Variants in CALN1 observed in about 807,000 individuals in gnomAD.
The protein encoded by CALN1 is calcium-binding protein 8.
A neutral mutation model predicts 30.6 loss-of-function variants in CALN1; 17 were observed. The observed-to-expected ratio is 0.56, with a 90% CI of 0.38 to 0.83. The LOEUF (loss-of-function observed/expected upper bound fraction) is 0.83. Ranked by LOEUF, CALN1 falls within the 40% of genes least tolerant of loss-of-function variation. The pLI is 0.00. For missense variants in CALN1, 291 were observed against 354.9 expected, an observed-to-expected ratio of 0.82 and a Z score of 1.45; for synonymous variants, 156 against 131.4, an observed-to-expected ratio of 1.19 and a Z score of -1.28.
chr7:72,453,701 C>T, the CALN1 span, among the ~76,000 whole-genome samples: 1 of 152,130 alleles, frequency 6.6e-6, no homozygotes, highest in Non-Finnish European at 1.5e-5. Flanking sequence ...TTTTGTTTTC[C>T]TGACCGGACA....
At chr7:71,900,012 TAAATA>T (rs1309060420) in intron 5 of CALN1, among the ~76,000 whole-genome samples, 2 of 152,150 alleles carry the variant, frequency 1.3e-5, no homozygotes, top group Admixed American at 6.5e-5. Flanking sequence ...ACCCACGGAG[TAAATA>T]AAATAAAAAC....
chr7:72,390,400 T>C (rs1256098999), intron 2 of CALN1, among the ~76,000 whole-genome samples: 1 of 152,008 alleles, frequency 6.6e-6, no homozygotes, highest in Non-Finnish European at 1.5e-5. Flanking sequence ...CACTGCACTC[T>C]AGCCTGGGTG....
At chr7:72,261,161 C>T (rs959983044) in intron 3 of CALN1, among the ~76,000 whole-genome samples, 11 of 151,988 alleles carry the variant, frequency 7.2e-5, no homozygotes, top group East Asian at 1.9e-4. Context: ...TACAAAAATT[C>T]GCCAGGTGTG....
chr7:71,804,633 A>G (rs147291634), intron 6 of CALN1, among the ~76,000 whole-genome samples: 1,572 of 152,340 alleles, frequency 0.01, 23 homozygotes, highest in African/African-American at 0.035. Flanking sequence ...AGCCTGGACA[A>G]CATGGCAAAA....
chr7:72,196,041 T>C (rs577817086), intron 3 of CALN1, among the ~76,000 whole-genome samples: 68 of 152,212 alleles, frequency 4.5e-4, no homozygotes, highest in African/African-American at 1.6e-3. Context: ...GAAAGTAGAT[T>C]AGTGGCTGCC....
intron 2 of CALN1, among the ~76,000 whole-genome samples, chr7:72,286,523 G>A (rs1798090064): frequency 6.6e-6 from 1 of 152,090 alleles, no homozygotes. Flanking sequence ...AAATAACCCA[G>A]AAATATATAT....
At chr7:72,272,477 A>G (rs1232521) in intron 3 of CALN1, among the ~76,000 whole-genome samples, 104,947 of 151,814 alleles carry the variant, frequency 0.69, 36,820 homozygotes, top group East Asian at 1. Flanking sequence ...CCGGAGAATC[A>G]CTTGAACCCA....
chr7:72,410,805 CCTT>C (rs144947033), intron 1 of CALN1, among the ~76,000 whole-genome samples: 10,144 of 152,152 alleles, frequency 0.067, 385 homozygotes, highest in South Asian at 0.11. Context: ...CAGCACCCTA[CCTT>C]CTTACTTTCC....
chr7:72,359,494 G>T (rs1803431534), intron 2 of CALN1, among the ~76,000 whole-genome samples: 1 of 152,074 alleles, frequency 6.6e-6, no homozygotes, highest in African/African-American at 2.4e-5. Context: ...ACTTGACAAG[G>T]TACTACTTTT....
intron 5 of CALN1, among the ~76,000 whole-genome samples, chr7:72,018,156 T>C (rs986984070): frequency 6.6e-6 from 1 of 152,160 alleles, no homozygotes; most frequent in African/African-American, 2.4e-5. Context: ...AGCAGGGCTC[T>C]TTCCTCTGCC....
chr7:72,062,463 G>T (rs1427970232), intron 4 of CALN1, among the ~76,000 whole-genome samples: 1 of 131,724 alleles, frequency 7.6e-6, no homozygotes. Flanking sequence ...AGTGAGCCAA[G>T]ATCATGCCAC....
At chr7:71,845,542 A>C (rs1219651311) in intron 5 of CALN1, among the ~76,000 whole-genome samples, 1 of 152,092 alleles carries the variant, frequency 6.6e-6, no homozygotes, top group East Asian at 1.9e-4. Context: ...GCCTTATTGC[A>C]AGGGTCCTGA....
chr7:72,377,239 G>A (rs1804614939), intron 2 of CALN1, among the ~76,000 whole-genome samples: 1 of 152,148 alleles, frequency 6.6e-6, no homozygotes, highest in Admixed American at 6.5e-5. Context: ...ATTTTGACAG[G>A]AGTTGCATTG....
At chr7:72,349,708 T>G (rs1219342072) in intron 2 of CALN1, among the ~76,000 whole-genome samples, 1 of 152,250 alleles carries the variant, frequency 6.6e-6, no homozygotes, top group African/African-American at 2.4e-5. Flanking sequence ...GAGCTTATTT[T>G]CAAATGCTTA....
chr7:72,027,594 C>T (rs976510052), intron 4 of CALN1, among the ~76,000 whole-genome samples: 9 of 151,754 alleles, frequency 5.9e-5, no homozygotes, highest in African/African-American at 2.2e-4. Context: ...ACCTGTAGTC[C>T]CAGCTACGTG....
chr7:72,011,160 GAA>G (rs199500589), intron 5 of CALN1, among the ~76,000 whole-genome samples: 1 of 145,238 alleles, frequency 6.9e-6, no homozygotes, highest in African/African-American at 2.6e-5. Flanking sequence ...AAAAAAAAAA[GAA>G]AAAAAACAAA....
intron 3 of CALN1, among the ~76,000 whole-genome samples, chr7:72,190,544 A>AT (rs1790526391): frequency 1.3e-5 from 2 of 152,242 alleles, no homozygotes; most frequent in Non-Finnish European, 2.9e-5. Flanking sequence ...ACCAGTTTCC[A>AT]AATGCTAGTT....
chr7:72,249,874 T>G (rs1422425975), intron 3 of CALN1, among the ~76,000 whole-genome samples: 2 of 146,490 alleles, frequency 1.4e-5, no homozygotes, highest in African/African-American at 5.1e-5. Flanking sequence ...GAGGTGGAGG[T>G]TGCAGTGAGC....
chr7:72,199,184 A>T (rs1791242381), intron 3 of CALN1, among the ~76,000 whole-genome samples: 1 of 152,218 alleles, frequency 6.6e-6, no homozygotes, highest in African/African-American at 2.4e-5. Flanking sequence ...TGGAGGCAGG[A>T]GAATTGTTTG....
Sources: gnomAD v4.1 joint callset for allele counts (sites outside exome capture counted in the v4.1 genomes callset) on GRCh38, gnomAD v4.1.1 for gene constraint, MANE v1.5 for transcripts, NCBI Gene and HGNC (gene_info 2026-07-23, HGNC 2026-07-21) for gene names.